Variants in RBFOX1 observed in about 807,000 individuals in gnomAD.
RBFOX1 encodes the protein RNA binding protein fox-1 homolog 1.
In RBFOX1, 8 loss-of-function variants were observed where a neutral mutation model predicts 57.7. The observed-to-expected ratio is 0.14, with a 90% CI of 0.08 to 0.25. RBFOX1 has a LOEUF of 0.25. RBFOX1 is among the 10% of genes least tolerant of loss of function. RBFOX1 has a pLI of 1.00. For synonymous variants in RBFOX1, 326 were observed against 222.4 expected (o/e 1.47, Z -4.15); for missense variants, 611 against 548.5 (o/e 1.11, Z -1.14).
intron 1 of RBFOX1, among the ~76,000 whole-genome samples, chr16:5,256,631 C>G (rs1171554514): frequency 1.3e-5 from 2 of 152,008 alleles, no homozygotes; most frequent in African/African-American, 4.8e-5. Flanking sequence ...TCGAAGCTTT[C>G]TATTAAAAAA....
intron 3 of RBFOX1, among the ~76,000 whole-genome samples, chr16:7,031,555 C>A (rs960724341): frequency 6.6e-6 from 1 of 151,220 alleles, no homozygotes; most frequent in Non-Finnish European, 1.5e-5. Flanking sequence ...AAGCCAAGAT[C>A]ATGCCACTGC....
chr16:6,781,307 A>C (rs1401997742), intron 3 of RBFOX1, among the ~76,000 whole-genome samples: 1 of 152,088 alleles, frequency 6.6e-6, no homozygotes, highest in Non-Finnish European at 1.5e-5. Flanking sequence ...TGATCTTTTT[A>C]ATATGTTGAA....
chr16:7,497,288 G>A lies in RBFOX1; in HGVS notation c.28-20859G>A, dbSNP rs558106397. On this transcript the variant is annotated intron_variant, in intron 4 of 15. Coordinates refer to ENST00000550418, the MANE Select transcript of RBFOX1 (RefSeq NM_018723.4). ...CTCCAGCCATATTATCCTGTTTTCTGTGTTCTTTTATGCCCTGATGCTGAG... is the reference window on the plus strand; with the variant it reads ...CTCCAGCCATATTATCCTGTTTTCTATGTTCTTTTATGCCCTGATGCTGAG... 2.0e-5 allele frequency among the ~76,000 whole-genome samples: 3 copies of A among 152,170 alleles called. No individual in the cohort carries two copies. The East Asian group carries it at 5.8e-4, about 29-fold the overall frequency.
At chr16:6,693,318 A>G (rs1283123243) in intron 3 of RBFOX1, among the ~76,000 whole-genome samples, 1 of 150,756 alleles carries the variant, frequency 6.6e-6, no homozygotes, top group Non-Finnish European at 1.5e-5. Flanking sequence ...TACCAACACC[A>G]CCATCATCAC....
At chr16:7,001,360 G>GTGTGTATGTGTA (rs71408493) in intron 3 of RBFOX1, among the ~76,000 whole-genome samples, 4,598 of 143,470 alleles carry the variant, frequency 0.032, 92 homozygotes, top group South Asian at 0.047. Context: ...GTGTGTGTTT[G>GTGTGTATGTGTA]TGTGTATGTG....
intron 3 of RBFOX1, among the ~76,000 whole-genome samples, chr16:6,948,201 G>A (rs757711404): frequency 2.6e-5 from 4 of 152,006 alleles, no homozygotes; most frequent in Non-Finnish European, 4.4e-5. Context: ...GGAGGCTGAG[G>A]TGAGAGGATG....
intron 3 of RBFOX1, among the ~76,000 whole-genome samples, chr16:5,750,848 G>A (rs979529299): frequency 6.6e-6 from 1 of 152,194 alleles, no homozygotes; most frequent in South Asian, 2.1e-4. Context: ...TTCGGCTCAC[G>A]CATGGTGGGC....
intron 5 of RBFOX1, among the ~76,000 whole-genome samples, chr16:7,569,970 G>C (rs558307421): frequency 6.6e-6 from 1 of 152,096 alleles, no homozygotes; most frequent in African/African-American, 2.4e-5. Context: ...TCCTTCACAT[G>C]TCATTTTTTC....
chr16:6,911,818 T>A (rs573129348), intron 3 of RBFOX1, among the ~76,000 whole-genome samples: 45 of 152,338 alleles, frequency 3.0e-4, no homozygotes, highest in African/African-American at 1.0e-3. Flanking sequence ...TTTCAGTAAA[T>A]GAATTTACTT....
chr16:7,013,018 G>T (rs1355228324), intron 3 of RBFOX1, among the ~76,000 whole-genome samples: 5 of 152,078 alleles, frequency 3.3e-5, no homozygotes, highest in African/African-American at 1.2e-4. Flanking sequence ...GAGAGAGAGA[G>T]AAAGCAAGCC....
intron 5 of RBFOX1, among the ~76,000 whole-genome samples, chr16:7,554,885 G>T (rs1294607608): frequency 6.6e-6 from 1 of 152,108 alleles, no homozygotes; most frequent in Non-Finnish European, 1.5e-5. Flanking sequence ...AGCTATTAGG[G>T]AGAACGGAGT....
chr16:7,534,674 A>G (rs749833682), intron 5 of RBFOX1, among the ~76,000 whole-genome samples: 13 of 152,148 alleles, frequency 8.5e-5, no homozygotes, highest in Non-Finnish European at 1.6e-4. Flanking sequence ...ACTAAGTCTA[A>G]TGTATTTAGC....
At chr16:5,937,722 G>T (rs911262488) in intron 4 of RBFOX1, among the ~76,000 whole-genome samples, 17 of 148,934 alleles carry the variant, frequency 1.1e-4, no homozygotes, top group Non-Finnish European at 2.2e-4. Context: ...GTTATATATA[G>T]TTACATATCT....
chr16:6,431,184 A>G (rs2094071837), intron 2 of RBFOX1, among the ~76,000 whole-genome samples: 3 of 151,922 alleles, frequency 2.0e-5, no homozygotes, highest in Non-Finnish European at 4.4e-5. Context: ...TAGGTGGGGA[A>G]AGGCAGGTGA....
intron 4 of RBFOX1, among the ~76,000 whole-genome samples, chr16:7,116,917 G>T (rs374298063): frequency 1.3e-5 from 2 of 152,164 alleles, no homozygotes; most frequent in South Asian, 4.1e-4. Flanking sequence ...GGGAGAGGAA[G>T]TTTGGGGTTC....
At chr16:5,591,485 A>C (rs913989913) in intron 2 of RBFOX1, among the ~76,000 whole-genome samples, 1 of 152,142 alleles carries the variant, frequency 6.6e-6, no homozygotes, top group African/African-American at 2.4e-5. Context: ...TCCTGACCTC[A>C]GGTGATCTGC....
At position 6,019,073 on chromosome 16, in the gene RBFOX1, T is replaced by TCA. The variant is rs747337918; in HGVS notation, c.-1035_-1034dup. ...GGGCTGCTCGCTGCTTGTCGCGCGC[T>TCA]CACACACACACAGACACACACGCAC... On this transcript the variant is annotated 5_prime_UTR_variant, in exon 1 of 16. Transcript: ENST00000550418. The surrounding 1 kb of genome is among the most constrained non-coding windows in gnomAD (Gnocchi z 4.2). 12 of 979,118 alleles carry TCA rather than the reference T, an allele frequency of 1.2e-5. No individual in the cohort carries two copies. Among genetic ancestry groups the TCA allele is most frequent in the Middle Eastern group, 5.3e-4 (1 of 1,904 alleles). 60.7% of individuals were successfully genotyped at this position (979,118 alleles called of 1,614,324 possible).
In RBFOX1 at chr16:5,940,579, T is replaced by A. The variant is rs150339879; in HGVS notation, c.351+73244T>A. ...CTTGCTTTGGGAAATTATAATTCTT[T>A]AAAAATTTCAATCAGGGCTCTCAGA... is the stretch of plus-strand genomic sequence containing the variant. On this transcript the variant is annotated intron_variant, in intron 4 of 19. Transcript: ENST00000641259. Among the ~76,000 whole-genome samples, 636 of 152,300 alleles carry A rather than the reference T, an allele frequency of 4.2e-3. 9 individuals are homozygous for A. Among genetic ancestry groups the A allele is most frequent in the African/African-American group, 0.015 (608 of 41,566 alleles).
Position 6,019,568 on chromosome 16 carries a change from A to T in RBFOX1, c.-551A>T. ...CAGCAGAGGCGGCGGCACTGGCTGGACCCACGCGCGCGCCTCCGGGGCTGA... is the reference window on the plus strand; with the variant it reads ...CAGCAGAGGCGGCGGCACTGGCTGGTCCCACGCGCGCGCCTCCGGGGCTGA... On this transcript the variant is annotated 5_prime_UTR_variant, in exon 1 of 16. Transcript: ENST00000550418. This position sits in a 1 kb window ranked among gnomAD's most constrained non-coding sequence, Gnocchi z 4.2. The T allele has an allele frequency of 8.7e-7, 1 of 1,153,830 alleles. No homozygotes were observed. Among genetic ancestry groups the T allele is most frequent in the Non-Finnish European group, 1.1e-6 (1 of 937,816 alleles). The allele number at this position is 1,153,830 out of a possible 1,614,324, so 71.5% of individuals were successfully genotyped here. A position where few individuals can be genotyped will look rare whatever the true frequency, so the allele number is the denominator to read the frequency against.
Sources: gnomAD v4.1 joint callset for allele counts (sites outside exome capture counted in the v4.1 genomes callset) on GRCh38, gnomAD v4.1.1 for gene constraint, Gnocchi (gnomAD v3.1) non-coding constraint, MANE v1.5 for transcripts, NCBI Gene and HGNC (gene_info 2026-07-23, HGNC 2026-07-21) for gene names.